Variants in NRIP1 observed in about 807,000 individuals in gnomAD.
The protein encoded by NRIP1 is nuclear receptor-interacting protein 1.
A neutral mutation model predicts 75.0 loss-of-function variants in NRIP1; 28 were observed. That is an observed-to-expected ratio of 0.37 (90% CI 0.28 to 0.51). The LOEUF (loss-of-function observed/expected upper bound fraction) is 0.51, where lower values mean the gene tolerates loss of function less well. Among genes scored for constraint, NRIP1 ranks in the 20% least tolerant of loss-of-function variants. NRIP1 has a pLI of 0.92. For synonymous variants in NRIP1, 526 were observed against 487.6 expected, an observed-to-expected ratio of 1.08 and a Z score of -1.04; for missense variants, 1,435 against 1,343.7, an observed-to-expected ratio of 1.07 and a Z score of -1.06.
At chr21:15,025,394 G>A (rs1237937776) in intron 2 of NRIP1, among the ~76,000 whole-genome samples, 3 of 152,002 alleles carry the variant, frequency 2.0e-5, no homozygotes, top group Non-Finnish European at 4.4e-5. Flanking sequence ...ATACTGAAGG[G>A]GGTACTGCTG....
At chr21:15,056,291 T>TAAAAAA (rs113146551) in intron 1 of NRIP1, among the ~76,000 whole-genome samples, 1 of 123,282 alleles carries the variant, frequency 8.1e-6, no homozygotes, top group African/African-American at 3.0e-5. Context: ...AATTCAAAGT[T>TAAAAAA]AAAAAAAAAA....
intron 2 of NRIP1, among the ~76,000 whole-genome samples, chr21:15,039,166 A>C (rs935863897): frequency 2.0e-5 from 3 of 152,082 alleles, no homozygotes; most frequent in Non-Finnish European, 4.4e-5. Flanking sequence ...GAAGGCTTTT[A>C]AGCAGAGAAA....
chr21:15,059,671 T>G (rs2089382221), intron 1 of NRIP1, among the ~76,000 whole-genome samples: 1 of 152,244 alleles, frequency 6.6e-6, no homozygotes, highest in Admixed American at 6.5e-5. Flanking sequence ...TCATAATTTG[T>G]TTAGCAGGTA....
At chr21:15,036,532 C>A (rs2088836149) in intron 2 of NRIP1, among the ~76,000 whole-genome samples, 2 of 151,544 alleles carry the variant, frequency 1.3e-5, no homozygotes. Context: ...CCATTTCTTT[C>A]TGTGAACTAA....
chr21:14,999,034 G>A lies in NRIP1; in HGVS notation c.-335+15310C>T, dbSNP rs77887262. 8.9e-3 allele frequency among the ~76,000 whole-genome samples: 1,358 copies of A among 152,234 alleles called. 61 individuals are homozygous for A. In the East Asian group the frequency reaches 0.091, roughly 10 times the overall value. On this transcript the variant is annotated intron_variant, in intron 3 of 3. Transcript: ENST00000318948. ...GAAAGAGAGAGAGAGAGGCAGGCTC[G>A]TGCTCTGTTGTCCAGGCTGGAGTGC...
intron 2 of NRIP1, among the ~76,000 whole-genome samples, chr21:15,028,784 A>G (rs972240428): frequency 6.6e-6 from 1 of 152,160 alleles, no homozygotes; most frequent in Non-Finnish European, 1.5e-5. Context: ...ACATACTTTT[A>G]AAAGTCATTT....
Position 14,961,624 on chromosome 21 carries a change from A to G in NRIP1, c.*3092T>C, listed in dbSNP as rs1033367871. The G allele has an allele frequency of 5.9e-5, 9 of 152,428 alleles. No individual in the cohort carries two copies. Among genetic ancestry groups the G allele is most frequent in the Non-Finnish European group, 2.9e-5 (2 of 67,900 alleles). 9.4% of individuals were successfully genotyped at this position (152,428 alleles called of 1,614,324 possible). On this transcript the variant is annotated 3_prime_UTR_variant, in exon 4 of 4. Coordinates refer to ENST00000318948, the MANE Select transcript of NRIP1 (RefSeq NM_003489.4). The stretch of plus-strand genomic sequence containing the variant: ...AAGCACATTCTTTCACAAAGCTTAA[A>G]CCACAGACGTCATGTCCAGAAATGG...
At chr21:15,054,905 T>C in intron 1 of NRIP1, among the ~76,000 whole-genome samples, 1 of 152,342 alleles carries the variant, frequency 6.6e-6, no homozygotes, top group Non-Finnish European at 1.5e-5. Flanking sequence ...AATCTGATCT[T>C]GTTAGAGGCT....
chr21:15,001,273 C>G (rs998569886), intron 3 of NRIP1, among the ~76,000 whole-genome samples: 3 of 152,116 alleles, frequency 2.0e-5, no homozygotes, highest in African/African-American at 7.2e-5. Flanking sequence ...ATCGAAGGAT[C>G]AGGATGGGGA....
At chr21:14,987,237 G>T (rs1195139320) in intron 3 of NRIP1, among the ~76,000 whole-genome samples, 1 of 152,148 alleles carries the variant, frequency 6.6e-6, no homozygotes, top group East Asian at 1.9e-4. Context: ...ACTAATACCT[G>T]TTTCATAGAG....
chr21:14,972,944 C>T (rs1326081044), intron 3 of NRIP1, among the ~76,000 whole-genome samples: 1 of 152,186 alleles, frequency 6.6e-6, no homozygotes, highest in African/African-American at 2.4e-5. Context: ...TGGCCCAGTT[C>T]CTAACAGGCT....
In NRIP1 at chr21:14,968,455, T is replaced by G. The variant is rs2086820920; in HGVS notation, c.-263A>C. The G allele has an allele frequency of 5.6e-6, 2 of 359,720 alleles. No individual in the cohort carries two copies. The highest frequency in any genetic ancestry group is 1.7e-4 in the South Asian group (2 of 11,698). 22.3% of individuals were successfully genotyped at this position (359,720 alleles called of 1,614,324 possible). A position where few individuals can be genotyped will look rare whatever the true frequency, so the allele number is the denominator to read the frequency against. On this transcript the variant is annotated 5_prime_UTR_variant, in exon 4 of 4. Transcript: ENST00000318948. The stretch of plus-strand genomic sequence containing the variant: ...ACATAGGTCTGTAGCAGTAAGCAGA[T>G]AGAATCCTTAGTGAATATATTCCTT...
At chr21:15,061,239 G>C (rs1042688146) in intron 1 of NRIP1, among the ~76,000 whole-genome samples, 4 of 152,092 alleles carry the variant, frequency 2.6e-5, no homozygotes, top group Non-Finnish European at 4.4e-5. Context: ...TTGCTAGAAC[G>C]GCAAATGCTT....
At chr21:15,027,547 T>C (rs1445274330) in intron 2 of NRIP1, among the ~76,000 whole-genome samples, 1 of 152,190 alleles carries the variant, frequency 6.6e-6, no homozygotes, top group African/African-American at 2.4e-5. Flanking sequence ...AAAAACTGAC[T>C]GGCAGATAAA....
At chr21:14,983,162 A>G (rs373860720) in intron 3 of NRIP1, among the ~76,000 whole-genome samples, 7 of 152,266 alleles carry the variant, frequency 4.6e-5, no homozygotes, top group African/African-American at 1.7e-4. Context: ...TTGAAAGCCA[A>G]GACAGGCCAA....
At chr21:14,988,659 A>T (rs760490119) in intron 3 of NRIP1, among the ~76,000 whole-genome samples, 8 of 152,140 alleles carry the variant, frequency 5.3e-5, no homozygotes, top group Admixed American at 1.3e-4. Flanking sequence ...TCATATACAA[A>T]AGATGCATAT....
At chr21:15,031,032 G>A (rs1208775940) in intron 2 of NRIP1, among the ~76,000 whole-genome samples, 2 of 120,710 alleles carry the variant, frequency 1.7e-5, no homozygotes, top group Non-Finnish European at 3.8e-5. Flanking sequence ...TGTATACTCT[G>A]GAAGGCGGTT....
At chr21:15,016,286 C>A (rs996973321) in intron 2 of NRIP1, among the ~76,000 whole-genome samples, 1 of 152,070 alleles carries the variant, frequency 6.6e-6, no homozygotes, top group Admixed American at 6.5e-5. Context: ...CAATCACTTG[C>A]CCTGATTATA....
Position 14,964,793 on chromosome 21 carries a change from A to G in NRIP1, c.3400T>C (p.Ser1134Pro). 1 of 1,609,138 alleles carries G rather than the reference A, an allele frequency of 6.2e-7. No individual in the cohort carries two copies. The highest frequency in any genetic ancestry group is 8.5e-7 in the Non-Finnish European group (1 of 1,178,538). ...TCTCCATTTGCGCTGTGTGGGCGAG[A>G]AGCATTATTTCCCATATGGCTATTG... is the stretch of plus-strand genomic sequence containing the variant. ...PYNSHMGNNA[S>P]RPHSANGEVY... Residue 1134 changes from serine (S) to proline (P), a missense_variant, in exon 4 of 4, where the codon TCT (serine) becomes CCT (proline). By Grantham distance (74) the Ser-to-Pro change is moderately conservative. Coordinates refer to ENST00000318948, the MANE Select transcript of NRIP1 (RefSeq NM_003489.4).
Sources: allele counts gnomAD v4.1 joint callset (sites outside exome capture counted in the v4.1 genomes callset), GRCh38; gene constraint gnomAD v4.1.1; transcripts MANE v1.5; gene names NCBI Gene and HGNC (gene_info 2026-07-23, HGNC 2026-07-21).